CPOX: variants seen among roughly 807,000 people sequenced by gnomAD.
The protein encoded by CPOX is oxygen-dependent coproporphyrinogen-III oxidase, mitochondrial.
CPOX carries 24 observed loss-of-function variants against 48.9 expected under a neutral mutation model. That is an observed-to-expected ratio of 0.49 (90% CI 0.36 to 0.69). The LOEUF (loss-of-function observed/expected upper bound fraction) is 0.69, where lower values mean the gene tolerates loss of function less well. Ranked by LOEUF, CPOX falls within the 30% of genes least tolerant of loss-of-function variation. CPOX has a pLI of 0.00. For synonymous variants in CPOX, 249 were observed against 234.6 expected, an observed-to-expected ratio of 1.06 and a Z score of -0.56; for missense variants, 549 against 597.3, an observed-to-expected ratio of 0.92 and a Z score of 0.84.
chr3:98,571,411 G>C, the CPOX span, among the ~76,000 whole-genome samples: 3 of 152,038 alleles, frequency 2.0e-5, no homozygotes, highest in South Asian at 2.1e-4. Context: ...CGCTGTGGCC[G>C]GGCGCGGTGG....
At chr3:98,573,089 T>C in the CPOX span, among the ~76,000 whole-genome samples, 3 of 152,260 alleles carry the variant, frequency 2.0e-5, no homozygotes, top group East Asian at 1.9e-4. Context: ...TTTAGATGAA[T>C]AGTCCTCAAT....
chr3:98,573,493 C>T, the CPOX span, among the ~76,000 whole-genome samples: 3 of 151,912 alleles, frequency 2.0e-5, no homozygotes, highest in South Asian at 4.2e-4. Flanking sequence ...TCTTCTCTCT[C>T]GTTTCTCCTT....
At chr3:98,570,687 A>G in the CPOX span, among the ~76,000 whole-genome samples, 1 of 152,240 alleles carries the variant, frequency 6.6e-6, no homozygotes, top group African/African-American at 2.4e-5. Flanking sequence ...TGATATACAC[A>G]TTAATATTTA....
intron 5 of CPOX, among the ~76,000 whole-genome samples, chr3:98,582,498 CTT>C (rs1172651014): frequency 6.9e-6 from 1 of 144,234 alleles, no homozygotes. Context: ...TTTTTCTTTT[CTT>C]TTTTTTTTTT....
intron 5 of CPOX, among the ~76,000 whole-genome samples, chr3:98,583,968 T>A (rs1028025490): frequency 6.6e-6 from 1 of 152,168 alleles, no homozygotes; most frequent in African/African-American, 2.4e-5. Context: ...AGAAAATTAA[T>A]CTACTACCCC....
intron 2 of CPOX, 106 bp from the exon 3 acceptor site, chr3:98,590,848 T>C (rs1210772315): frequency 2.4e-6 from 3 of 1,244,144 alleles, no homozygotes; most frequent in Non-Finnish European, 3.5e-6. Context: ...AGCTGCTTTT[T>C]AATTTGTCAC....
chr3:98,589,090 C>A (rs1707424343), intron 3 of CPOX, among the ~76,000 whole-genome samples: 1 of 152,166 alleles, frequency 6.6e-6, no homozygotes, highest in Non-Finnish European at 1.5e-5. Context: ...GAGGCCCAGG[C>A]AGGCAGATCG....
rs1707237501 is a variant in CPOX at position 98,580,508 on chromosome 3, C to T, written c.*175G>A. The T allele has an allele frequency of 5.5e-6, 8 of 1,453,442 alleles. No individual in the cohort carries two copies. The East Asian group carries it at 2.0e-4, about 37-fold the overall frequency. The allele number at this position is 1,453,442 out of a possible 1,614,324, so 90.0% of individuals were successfully genotyped here. A position where few individuals can be genotyped will look rare whatever the true frequency, so the allele number is the denominator to read the frequency against. Reference sequence around the variant, plus strand: ...AATTGACTCTGACAATCTGCCATCTCACCATTCATCACTGACAGCATCCAA... The same window carrying T: ...AATTGACTCTGACAATCTGCCATCTTACCATTCATCACTGACAGCATCCAA... On this transcript the variant is annotated 3_prime_UTR_variant, in exon 7 of 7. Transcript: ENST00000647941.
At chr3:98,577,519 G>A (rs899858938), downstream of CPOX, among the ~76,000 whole-genome samples, 1 of 152,172 alleles carries the variant, frequency 6.6e-6, no homozygotes, top group African/African-American at 2.4e-5. Flanking sequence ...GGGCAATGTG[G>A]AGGGTTGAGT....
At chr3:98,583,371 A>C (rs1707297129) in intron 5 of CPOX, among the ~76,000 whole-genome samples, 1 of 152,188 alleles carries the variant, frequency 6.6e-6, no homozygotes, top group African/African-American at 2.4e-5. Context: ...ATTAACAGCA[A>C]TCATAATAAA....
chr3:98,571,643 C>G, the CPOX span, among the ~76,000 whole-genome samples: 2 of 148,108 alleles, frequency 1.4e-5, no homozygotes, highest in East Asian at 2.0e-4. Flanking sequence ...AGCCGAGATC[C>G]CGCCACTGCA....
At chr3:98,578,477 T>C (rs1707194118), downstream of CPOX, among the ~76,000 whole-genome samples, 2 of 152,238 alleles carry the variant, frequency 1.3e-5, no homozygotes, top group East Asian at 1.9e-4. Context: ...TATTCACATA[T>C]ACAATAAAAT....
At chr3:98,589,422 C>CAGT (rs917536693) in intron 3 of CPOX, among the ~76,000 whole-genome samples, 77 of 152,114 alleles carry the variant, frequency 5.1e-4, no homozygotes, top group African/African-American at 1.6e-3. Flanking sequence ...AATGATAAAA[C>CAGT]AGTACACTGG....
Position 98,579,714 on chromosome 3 carries a change from T to TA in CPOX, c.*968dup. On this transcript the variant is annotated 3_prime_UTR_variant, in exon 7 of 7. Coordinates refer to ENST00000647941, the MANE Select transcript of CPOX (RefSeq NM_000097.7). ...GCAAAGAGCTGCAGAATCTCTAATA[T>TA]AAAAAAGAGGACATTTTCAATGTGT... The TA allele has an allele frequency of 1.0e-6, 1 of 985,422 alleles. No individual in the cohort carries two copies. Among genetic ancestry groups the TA allele is most frequent in the Non-Finnish European group, 1.2e-6 (1 of 829,764 alleles). The allele number at this position is 985,422 out of a possible 1,614,324, so 61.0% of individuals were successfully genotyped here. A position where few individuals can be genotyped will look rare whatever the true frequency, so the allele number is the denominator to read the frequency against.
chr3:98,591,212 C>T, intron 1 of CPOX, 57 bp from the exon 2 acceptor site: 1 of 1,577,454 alleles, frequency 6.3e-7, no homozygotes, highest in Non-Finnish European at 8.7e-7. Flanking sequence ...AAACTGAAAG[C>T]AACACTTGCA....
chr3:98,576,072 C>CAAAAAAAAAAAAAAAAAAAA (rs56988806), downstream of CPOX, among the ~76,000 whole-genome samples: 1 of 71,402 alleles, frequency 1.4e-5, no homozygotes, highest in Non-Finnish European at 2.5e-5. Context: ...AACTCTGCCT[C>CAAAAAAAAAAAAAAAAAAAA]AAAAAAAAAA....
intron 1 of CPOX, 131 bp downstream of exon 1, chr3:98,592,818 C>T (rs1026245394): frequency 2.3e-5 from 22 of 976,500 alleles, no homozygotes; most frequent in Non-Finnish European, 3.3e-5. Flanking sequence ...GGCCTCTAAC[C>T]AAGCGGCCTC....
Position 98,588,738 on chromosome 3 carries a change from C to A in CPOX, c.928G>T (p.Asp310Tyr). The part of the protein sequence containing the change: ...LKEACDQHGP[D>Y]LYPKFKKWCD... ...CATTTTTTAAATTTGGGGTAGAGAT[C>A]TGGACCATGCTGGTCACAAGCCTCC... Residue 310 changes from aspartate to tyrosine, a missense_variant, in exon 4 of 7, where the codon GAT becomes TAT. Physicochemically the swap from Asp to Tyr is radical, Grantham distance 160 (BLOSUM62 -3). This residue lies in a region of CPOX where 213 missense variants were observed against 279.1 expected (regional missense o/e 0.76). Transcript: ENST00000647941. 6.2e-7 allele frequency: 1 copy of A among 1,614,146 alleles called. No individual in the cohort carries two copies. Among genetic ancestry groups the A allele is most frequent in the Non-Finnish European group, 8.5e-7 (1 of 1,180,020 alleles).
intron 5 of CPOX, among the ~76,000 whole-genome samples, chr3:98,582,336 C>T (rs749397766): frequency 4.6e-5 from 7 of 152,112 alleles, no homozygotes; most frequent in Non-Finnish European, 1.0e-4. Flanking sequence ...CTGAAAAGTT[C>T]AATAAACAGT....
Sources: allele counts gnomAD v4.1 joint callset (sites outside exome capture counted in the v4.1 genomes callset), GRCh38; gene constraint gnomAD v4.1.1; regional missense constraint gnomAD v4.1.1; transcripts MANE v1.5; gene names NCBI Gene and HGNC (gene_info 2026-07-23, HGNC 2026-07-21).